GLYATL1: variants seen among roughly 807,000 people sequenced by gnomAD.
GLYATL1 encodes the protein glycine-N-acyltransferase like 1.
Under a neutral mutation model 20.0 loss-of-function variants are expected in GLYATL1, and 15 were observed. The ratio of observed to expected loss-of-function variants is 0.75; its 90% CI spans 0.50 to 1.15. The LOEUF (loss-of-function observed/expected upper bound fraction) is 1.15. Among genes scored for constraint, GLYATL1 ranks in the 50% most tolerant of loss-of-function variants. The pLI, the probability that GLYATL1 is intolerant of heterozygous loss-of-function variation, is 0.00. For synonymous variants in GLYATL1, 151 were observed against 131.5 expected, an observed-to-expected ratio of 1.15 and a Z score of -1.01; for missense variants, 380 against 368.5, an observed-to-expected ratio of 1.03 and a Z score of -0.26.
In GLYATL1 at chr11:58,956,202, A is replaced by T; in HGVS notation, c.*175A>T. ...CAGCCATGCTCTTGAGGAGCTTACA[A>T]TCCTGGCTGGAGGCAGGGGAGGGTA... On this transcript the variant is annotated 3_prime_UTR_variant, in exon 7 of 7. Coordinates refer to ENST00000532726, the MANE Select transcript of GLYATL1 (RefSeq NM_001389712.2). 1 of 632,432 alleles carries T rather than the reference A, an allele frequency of 1.6e-6. No homozygotes were observed. Among genetic ancestry groups the T allele is most frequent in the Admixed American group, 3.0e-5 (1 of 33,872 alleles). 39.2% of individuals were successfully genotyped at this position (632,432 alleles called of 1,614,324 possible).
chr11:58,927,251 G>C (rs1287368631), upstream of GLYATL1, among the ~76,000 whole-genome samples: 1 of 152,208 alleles, frequency 6.6e-6, no homozygotes, highest in African/African-American at 2.4e-5. Context: ...GGGTAGGAGA[G>C]AGATAACAGC....
At chr11:58,944,221 T>C (rs1856400690) in intron 2 of GLYATL1, among the ~76,000 whole-genome samples, 1 of 152,228 alleles carries the variant, frequency 6.6e-6, no homozygotes, top group Admixed American at 6.5e-5. Context: ...CATTTATAAA[T>C]GAGGGCTCTC....
intron 1 of GLYATL1, among the ~76,000 whole-genome samples, chr11:58,932,984 G>C (rs1484844761): frequency 2.0e-5 from 3 of 152,140 alleles, no homozygotes; most frequent in Non-Finnish European, 4.4e-5. Flanking sequence ...AATTGCTTTT[G>C]AATGTAGAAT....
upstream of GLYATL1, among the ~76,000 whole-genome samples, chr11:58,926,222 C>T (rs1011636344): frequency 1.7e-4 from 26 of 152,248 alleles, no homozygotes; most frequent in African/African-American, 6.3e-4. Flanking sequence ...TGTAGCCAGC[C>T]TCTGAGTAAG....
intron 1 of GLYATL1, among the ~76,000 whole-genome samples, chr11:58,906,647 C>G (rs532785067): frequency 6.6e-6 from 1 of 152,130 alleles, no homozygotes; most frequent in South Asian, 2.1e-4. Context: ...CTCCCCGGGG[C>G]AGAGATTTAG....
chr11:58,947,759 G>A (rs1738140035), intron 3 of GLYATL1, 99 bp from the exon 4 acceptor site: 1 of 817,476 alleles, frequency 1.2e-6, no homozygotes. Flanking sequence ...CTTGGTCTCA[G>A]TACCTTCTCT....
intron 2 of GLYATL1, among the ~76,000 whole-genome samples, chr11:58,946,305 C>A (rs1407840142): frequency 6.6e-6 from 1 of 152,066 alleles, no homozygotes; most frequent in Non-Finnish European, 1.5e-5. Context: ...TTTCCAGTTC[C>A]AAAGTTGTGA....
rs139684537 is a variant in GLYATL1 at position 58,955,752 on chromosome 11, G to A, written c.634G>A (p.Gly212Ser). Reference sequence around the variant, plus strand: ...AGACCTGCCAGCAGCCTGTATGCTCGGCCCAGAGGGAGTCCCGGTCTCATG... The same window carrying A: ...AGACCTGCCAGCAGCCTGTATGCTCAGCCCAGAGGGAGTCCCGGTCTCATG... ...IEDLPAACML[G>S]PEGVPVSWVT... Residue 212 changes from glycine (G) to serine (S), a missense_variant, in exon 7 of 7, where the codon GGC (glycine) becomes AGC (serine). Gly to Ser is a moderately conservative substitution (Grantham distance 56). Transcript: ENST00000532726. 52 of 1,614,060 alleles carry A rather than the reference G, an allele frequency of 3.2e-5. No individual in the cohort carries two copies. Among genetic ancestry groups the A allele is most frequent in the African/African-American group, 2.7e-4 (20 of 74,918 alleles).
chr11:58,946,232 T>G (rs1218472705), intron 2 of GLYATL1, among the ~76,000 whole-genome samples: 2 of 152,254 alleles, frequency 1.3e-5, no homozygotes, highest in Non-Finnish European at 2.9e-5. Flanking sequence ...CCAGGCATAA[T>G]GCTATGCATT....
chr11:58,928,317 T>C (rs1048983545), intron 1 of GLYATL1: 1 of 152,230 alleles, frequency 6.6e-6, no homozygotes, highest in Admixed American at 6.5e-5. Flanking sequence ...AATGACTTAC[T>C]AGTTACTCAC....
downstream of GLYATL1, among the ~76,000 whole-genome samples, chr11:58,910,443 A>G (rs1342146573): frequency 1.3e-5 from 2 of 152,242 alleles, no homozygotes; most frequent in Admixed American, 6.5e-5. Context: ...CAAATAATGA[A>G]AAAGGTGAAT....
At chr11:58,943,385 A>G in intron 1 of GLYATL1, 158 bp from the exon 2 acceptor site, 1 of 1,538,956 alleles carries the variant, frequency 6.5e-7, no homozygotes, top group African/African-American at 1.4e-5. Flanking sequence ...CCTGTACATC[A>G]CTTTACCTTT....
intron 1 of GLYATL1, among the ~76,000 whole-genome samples, chr11:58,906,056 AATCGG>A (rs1784282396): frequency 1.3e-5 from 2 of 152,194 alleles, no homozygotes; most frequent in African/African-American, 4.8e-5. Context: ...AACACCTGCG[AATCGG>A]GAGCAGCGGG....
chr11:58,924,953 A>T (rs1855394001), upstream of GLYATL1, among the ~76,000 whole-genome samples: 1 of 152,264 alleles, frequency 6.6e-6, no homozygotes, highest in African/African-American at 2.4e-5. Flanking sequence ...AAGTGAGAGA[A>T]TTAAAAATGA....
At chr11:58,920,309 C>T (rs1439983688) in intron 1 of GLYATL1, among the ~76,000 whole-genome samples, 1 of 152,102 alleles carries the variant, frequency 6.6e-6, no homozygotes, top group African/African-American at 2.4e-5. Context: ...TAAATAGTCC[C>T]ATGAACATGG....
chr11:58,955,590 TTTC>T lies in GLYATL1; in HGVS notation c.492-17_492-15del. On this transcript the variant is annotated splice_polypyrimidine_tract_variant and intron_variant, in intron 6 of 6. Transcript: ENST00000532726. ...AGGATTGGGGATGAAAGTTGTTGTC[TTTC>T]TTTTTGTTGTCTACAGTGAAACTCC... 1 of 1,606,634 alleles carries T rather than the reference TTTC, an allele frequency of 6.2e-7. No homozygotes were observed. The highest frequency in any genetic ancestry group is 8.5e-7 in the Non-Finnish European group (1 of 1,175,260).
chr11:58,936,046 A>T (rs1480647839), upstream of GLYATL1, among the ~76,000 whole-genome samples: 2 of 152,178 alleles, frequency 1.3e-5, no homozygotes, highest in African/African-American at 4.8e-5. Flanking sequence ...GAACTTCCAG[A>T]TTTTCTGATG....
rs1466888851 is a variant in GLYATL1, at chr11:58,955,278, T to C, written c.416T>C (p.Leu139Pro). ...RALLLVTEDILKLNASSKSKL... is the reference protein window; with the variant it reads ...RALLLVTEDIPKLNASSKSKL... ...CTCCTCTTGGTTACGGAAGATATTC[T>C]GAAGCTCAATGCCTCCAGTAAAAGC... Residue 139 changes from leucine to proline, a missense_variant, in exon 6 of 7, where the codon CTG becomes CCG. Coordinates refer to ENST00000532726, the MANE Select transcript of GLYATL1 (RefSeq NM_001389712.2). 20 of 1,614,074 alleles carry C rather than the reference T, an allele frequency of 1.2e-5. No individual in the cohort carries two copies. The highest frequency in any genetic ancestry group is 1.7e-5 in the Non-Finnish European group (20 of 1,180,010).
intron 1 of GLYATL1, chr11:58,943,299 ATGTTCAAAC>A: frequency 6.5e-7 from 1 of 1,550,358 alleles, no homozygotes; most frequent in Non-Finnish European, 8.7e-7. Context: ...AGACTGCTGA[ATGTTCAAAC>A]TGTGTTCAAA....
Sources: gnomAD v4.1 joint callset for allele counts (sites outside exome capture counted in the v4.1 genomes callset) on GRCh38, gnomAD v4.1.1 for gene constraint, MANE v1.5 for transcripts, NCBI Gene and HGNC (gene_info 2026-07-23, HGNC 2026-07-21) for gene names.